Variants in NUP42 observed in about 807,000 individuals in gnomAD.
NUP42 encodes the protein nucleoporin NUP42.
In NUP42, 47 loss-of-function variants were observed where a neutral mutation model predicts 35.9. The ratio of observed to expected loss-of-function variants is 1.31; its 90% CI spans 1.04 to 1.67. NUP42 has a LOEUF of 1.67. Ranked by LOEUF, NUP42 falls within the 40% of genes most tolerant of loss-of-function variation. The probability of loss-of-function intolerance (pLI) is 0.00; values close to 1 mark genes in which losing one functional copy is unlikely to be tolerated. For synonymous variants in NUP42, 173 were observed against 173.3 expected, an observed-to-expected ratio of 1.00 and a Z score of 0.01; for missense variants, 514 against 492.2, an observed-to-expected ratio of 1.04 and a Z score of -0.42.
chr7:23,187,691 C>A lies in NUP42; in HGVS notation c.445+545C>A, dbSNP rs191818654. Reference sequence around the variant, plus strand: ...ACGCGATCTCGGCTCACTGTGACCTCTGCCTCCCAGGTTCAAGTGATTCTC... The same window carrying A: ...ACGCGATCTCGGCTCACTGTGACCTATGCCTCCCAGGTTCAAGTGATTCTC... On this transcript the variant is annotated intron_variant, in intron 3 of 6. Transcript: ENST00000258742. Among the ~76,000 whole-genome samples the A allele has an allele frequency of 2.8e-3, 408 of 144,806 alleles. 2 individuals are homozygous for A. The highest frequency in any genetic ancestry group is 0.01 in the African/African-American group (394 of 38,440). 95.0% of individuals were successfully genotyped at this position (144,806 alleles called of 152,430 possible). A position where few individuals can be genotyped will look rare whatever the true frequency, so the allele number is the denominator to read the frequency against.
In NUP42 at chr7:23,200,869, T is replaced by C. The variant is rs1786203645; in HGVS notation, c.*124T>C. 2.0e-6 allele frequency: 1 copy of C among 502,410 alleles called. No individual in the cohort carries two copies. Among genetic ancestry groups the C allele is most frequent in the African/African-American group, 2.0e-5 (1 of 50,246 alleles). 31.1% of individuals were successfully genotyped at this position (502,410 alleles called of 1,614,324 possible). On this transcript the variant is annotated 3_prime_UTR_variant, in exon 7 of 7. Transcript: ENST00000258742. ...ATATAAGCTTCCATCAATAGTGATT[T>C]TAAATTTGATTTTTTTCTTAACTCT...
intron 2 of NUP42, among the ~76,000 whole-genome samples, chr7:23,186,601 T>G (rs1218249315): frequency 2.0e-5 from 3 of 152,234 alleles, no homozygotes; most frequent in Admixed American, 6.5e-5. Context: ...ACGTAAGTGG[T>G]ACTTTGTTCT....
intron 2 of NUP42, among the ~76,000 whole-genome samples, chr7:23,186,243 A>C (rs1259121726): frequency 1.3e-5 from 2 of 152,256 alleles, no homozygotes; most frequent in Admixed American, 6.5e-5. Context: ...TTTAAATGTA[A>C]TTGGTTAGTC....
At chr7:23,189,928 A>AT (rs1785732958) in intron 3 of NUP42, among the ~76,000 whole-genome samples, 10 of 151,550 alleles carry the variant, frequency 6.6e-5, no homozygotes, top group Admixed American at 2.0e-4. Flanking sequence ...AAAAAAAAAA[A>AT]ATTTTTTTGA....
rs2128475234 is a variant in NUP42 at position 23,199,561 on chromosome 7, C to T, written c.694+19C>T. The T allele has an allele frequency of 1.3e-6, 2 of 1,582,440 alleles. No homozygotes were observed. The highest frequency in any genetic ancestry group is 8.7e-7 in the Non-Finnish European group (1 of 1,151,832). On this transcript the variant is annotated intron_variant, in intron 6 of 6. Coordinates refer to ENST00000258742, the MANE Select transcript of NUP42 (RefSeq NM_007342.3). The stretch of plus-strand genomic sequence containing the variant: ...TCGCCAGGTAAGTGATAAAGTAATG[C>T]AGGACTTCACTGATTTAGAAAAATT...
intron 1 of NUP42, among the ~76,000 whole-genome samples, chr7:23,182,742 C>CAAAAAAAAAA (rs60397960): frequency 1.6e-4 from 12 of 74,124 alleles, no homozygotes; most frequent in South Asian, 5.1e-4. Context: ...CTAAAAATAC[C>CAAAAAAAAAA]AAAAAAAAAA....
At position 23,200,690 on chromosome 7, in the gene NUP42, T is replaced by G. The variant is rs1583783383; in HGVS notation, c.1217T>G (p.Phe406Cys). ...EELEQFQSKK[F>C]TLGKIPLKPP... ...CTGGAACAATTTCAATCCAAGAAAT[T>G]TACTCTGGGAAAAATTCCATTAAAG... Residue 406 changes from phenylalanine to cysteine, a missense_variant, in exon 7 of 7, where the codon TTT becomes TGT. Transcript: ENST00000258742. 2 of 1,609,352 alleles carry G rather than the reference T, an allele frequency of 1.2e-6. No individual in the cohort carries two copies. The highest frequency in any genetic ancestry group is 2.2e-5 in the East Asian group (1 of 44,846).
chr7:23,186,107 C>T (rs1034433903), intron 2 of NUP42, among the ~76,000 whole-genome samples: 1 of 152,138 alleles, frequency 6.6e-6, no homozygotes, highest in African/African-American at 2.4e-5. Flanking sequence ...ATTTGATTTC[C>T]TACATTTATT....
At chr7:23,183,880 T>C (rs1785502423) in intron 1 of NUP42, among the ~76,000 whole-genome samples, 1 of 142,780 alleles carries the variant, frequency 7.0e-6, no homozygotes, top group Admixed American at 7.2e-5. Flanking sequence ...GGTCTAGCAA[T>C]CTCCACTTTT....
At chr7:23,189,614 CTT>C (rs1554295911) in intron 3 of NUP42, among the ~76,000 whole-genome samples, 1 of 151,140 alleles carries the variant, frequency 6.6e-6, no homozygotes, top group African/African-American at 2.4e-5. Context: ...GACCCTGTCT[CTT>C]TAAAAAATTT....
chr7:23,200,150 T>C lies in NUP42; in HGVS notation c.695-18T>C. The C allele has an allele frequency of 1.4e-6, 2 of 1,476,078 alleles. No individual in the cohort carries two copies. Among genetic ancestry groups the C allele is most frequent in the Non-Finnish European group, 1.8e-6 (2 of 1,098,034 alleles). The allele number at this position is 1,476,078 out of a possible 1,614,324, so 91.4% of individuals were successfully genotyped here. On this transcript the variant is annotated intron_variant, in intron 6 of 6. Transcript: ENST00000258742. The stretch of plus-strand genomic sequence containing the variant: ...AATAGATTTTTGTTGTTTTTTTTGT[T>C]GTTGTTGTTGTTTGTAGGCTTTCCA...
intron 3 of NUP42, chr7:23,194,382 T>C: frequency 6.3e-6 from 1 of 157,628 alleles, no homozygotes; most frequent in Non-Finnish European, 1.4e-5. Flanking sequence ...TGAGACAGAG[T>C]TTCGCTCTTT....
chr7:23,186,063 C>T (rs907249582), intron 2 of NUP42, among the ~76,000 whole-genome samples: 2 of 152,190 alleles, frequency 1.3e-5, no homozygotes, highest in Non-Finnish European at 2.9e-5. Context: ...CTTTCTAAAA[C>T]TTTTACTTGG....
chr7:23,192,103 A>G lies in NUP42; in HGVS notation c.446-3736A>G, dbSNP rs533029333. ...TCGAAACATATACACACACAAACAT[A>G]TTTCTTGTTTATGTATACAATTGAC... is the stretch of plus-strand genomic sequence containing the variant. On this transcript the variant is annotated intron_variant, in intron 3 of 6. Coordinates refer to ENST00000258742, the MANE Select transcript of NUP42 (RefSeq NM_007342.3). Among the ~76,000 whole-genome samples the G allele has an allele frequency of 4.6e-5, 7 of 152,286 alleles. 1 individual carries two copies. Among genetic ancestry groups the G allele is most frequent in the African/African-American group, 1.7e-4 (7 of 41,552 alleles).
Position 23,185,128 on chromosome 7 carries a change from A to T in NUP42, c.180A>T (p.Pro60=). The stretch of plus-strand genomic sequence containing the variant: ...AGAGATATTCCAATGTCATCCAGCC[A>T]TCCAGTTTCTCCAAATCCACACCAT... ...TSQRYSNVIQ[P]SSFSKSTPWG... is the part of the protein sequence containing the mutation. The change falls in exon 2 of 7, where the codon CCA becomes CCT. Residue 60 remains proline, a synonymous_variant. Coordinates refer to ENST00000258742, the MANE Select transcript of NUP42 (RefSeq NM_007342.3). The T allele has an allele frequency of 6.2e-7, 1 of 1,614,232 alleles. No homozygotes were observed. Among genetic ancestry groups the T allele is most frequent in the Non-Finnish European group, 8.5e-7 (1 of 1,180,042 alleles).
At chr7:23,183,932 C>G (rs1785505487) in intron 1 of NUP42, among the ~76,000 whole-genome samples, 1 of 140,178 alleles carries the variant, frequency 7.1e-6, no homozygotes, top group African/African-American at 2.7e-5. Flanking sequence ...GCAGGATGAA[C>G]TTTCACAACT....
intron 5 of NUP42, among the ~76,000 whole-genome samples, chr7:23,198,646 A>G: frequency 6.6e-6 from 1 of 152,236 alleles, no homozygotes. Context: ...CAGAGATGAA[A>G]GACATTTCTA....
intron 4 of NUP42, 30 bp downstream of exon 4, chr7:23,195,945 A>T (rs370391818): frequency 1.5e-6 from 2 of 1,342,954 alleles, no homozygotes; most frequent in African/African-American, 2.9e-5. Flanking sequence ...ATCTACTGCA[A>T]TAACAGATGA....
Position 23,182,599 on chromosome 7 carries a change from GA to G in NUP42, c.121+399del, listed in dbSNP as rs750081440. ...TTTTGGAGAAGTCGTGGACTTCTTTGAAAAAATCTAATAAAACCGGCCGGGC... is the reference window on the plus strand; with the variant it reads ...TTTTGGAGAAGTCGTGGACTTCTTTGAAAAATCTAATAAAACCGGCCGGGC... On this transcript the variant is annotated intron_variant, in intron 1 of 6. Coordinates refer to ENST00000258742, the MANE Select transcript of NUP42 (RefSeq NM_007342.3). 1.1e-5 allele frequency: 9 copies of G among 786,846 alleles called. 1 individual carries two copies. The Admixed American group carries it at 3.3e-4, about 29-fold the overall frequency. The allele number at this position is 786,846 out of a possible 1,614,324, so 48.7% of individuals were successfully genotyped here. A position where few individuals can be genotyped will look rare whatever the true frequency, so the allele number is the denominator to read the frequency against.
Sources: gnomAD v4.1 joint callset for allele counts (sites outside exome capture counted in the v4.1 genomes callset) on GRCh38, gnomAD v4.1.1 for gene constraint, MANE v1.5 for transcripts, NCBI Gene and HGNC (gene_info 2026-07-23, HGNC 2026-07-21) for gene names.